IGF2BP3: variants seen among roughly 807,000 people sequenced by gnomAD.
IGF2BP3 encodes the protein insulin like growth factor 2 mRNA binding protein 3, also known as insulin-like growth factor 2 mRNA-binding protein 3.
IGF2BP3 carries 9 observed loss-of-function variants against 73.8 expected under a neutral mutation model. The ratio of observed to expected loss-of-function variants is 0.12; its 90% CI spans 0.07 to 0.21. IGF2BP3 has a LOEUF of 0.21. Among genes scored for constraint, IGF2BP3 ranks in the 10% least tolerant of loss-of-function variants. IGF2BP3 has a pLI of 1.00. For missense variants in IGF2BP3, 542 were observed against 714.0 expected (o/e 0.76, Z 2.75); for synonymous variants, 258 against 256.7 (o/e 1.01, Z -0.05).
chr7:23,421,445 C>A (rs112297815), intron 2 of IGF2BP3, among the ~76,000 whole-genome samples: 9,904 of 152,020 alleles, frequency 0.065, 823 homozygotes, highest in African/African-American at 0.19. Context: ...GTGATCCCGG[C>A]ACTTTGGGAG....
intron 3 of IGF2BP3, among the ~76,000 whole-genome samples, chr7:23,389,761 A>T (rs555463074): frequency 6.6e-6 from 1 of 151,736 alleles, no homozygotes; most frequent in East Asian, 1.9e-4. Flanking sequence ...TGGGAGACCA[A>T]GTCAGGAGGA....
At chr7:23,423,274 C>T (rs975966469) in intron 2 of IGF2BP3, among the ~76,000 whole-genome samples, 4 of 152,158 alleles carry the variant, frequency 2.6e-5, no homozygotes, top group Non-Finnish European at 4.4e-5. Context: ...AAACTTCTGG[C>T]ATGGAAAGAA....
At chr7:23,404,345 C>T (rs1583999384) in intron 3 of IGF2BP3, among the ~76,000 whole-genome samples, 1 of 152,080 alleles carries the variant, frequency 6.6e-6, no homozygotes, top group Admixed American at 6.6e-5. Context: ...TCTGAAATAT[C>T]AGTCATTACC....
In IGF2BP3 at chr7:23,361,676, C is replaced by A; in HGVS notation, c.337+14G>T. ...TCCTTTTACAAATTTGAAAGCAATT[C>A]AGAAGACATGTACCTTGCTCACAGC... On this transcript the variant is annotated intron_variant, in intron 4 of 14. Transcript: ENST00000258729. 1.2e-6 allele frequency: 2 copies of A among 1,613,850 alleles called. No individual in the cohort carries two copies. The highest frequency in any genetic ancestry group is 1.1e-5 in the South Asian group (1 of 91,060).
intron 3 of IGF2BP3, among the ~76,000 whole-genome samples, chr7:23,388,416 T>A (rs1038743499): frequency 1.3e-5 from 2 of 152,002 alleles, no homozygotes; most frequent in Non-Finnish European, 2.9e-5. Flanking sequence ...AACCAAAACT[T>A]TTTCATACGC....
At chr7:23,403,263 T>C (rs1786724881) in intron 3 of IGF2BP3, among the ~76,000 whole-genome samples, 1 of 152,226 alleles carries the variant, frequency 6.6e-6, no homozygotes, top group Non-Finnish European at 1.5e-5. Flanking sequence ...TATTCCTGTC[T>C]CAACACCAGT....
chr7:23,450,151 G>C (rs1258008107), intron 2 of IGF2BP3, among the ~76,000 whole-genome samples: 1 of 152,154 alleles, frequency 6.6e-6, no homozygotes, highest in Non-Finnish European at 1.5e-5. Context: ...TATGCAAACT[G>C]TTTAAAAATG....
intron 2 of IGF2BP3, among the ~76,000 whole-genome samples, chr7:23,436,780 A>C (rs1400555167): frequency 6.6e-6 from 1 of 152,206 alleles, no homozygotes; most frequent in Non-Finnish European, 1.5e-5. Flanking sequence ...AGGAAAGTAC[A>C]TTTGGATTTA....
At position 23,361,615 on chromosome 7, in the gene IGF2BP3, C is replaced by T. The variant is rs759762900; in HGVS notation, c.338-18G>A. ...AGTGTTCACTAGAGGAAGAGAAAAACGAAGAGAATAAAAGTTAGTTTTCTT... is the reference window on the plus strand; with the variant it reads ...AGTGTTCACTAGAGGAAGAGAAAAATGAAGAGAATAAAAGTTAGTTTTCTT... On this transcript the variant is annotated intron_variant, in intron 4 of 14. Transcript: ENST00000258729. 17 of 1,613,264 alleles carry T rather than the reference C, an allele frequency of 1.1e-5. No individual in the cohort carries two copies. The East Asian group carries it at 2.9e-4, about 27-fold the overall frequency.
At chr7:23,325,775 G>C (rs572574628) in intron 10 of IGF2BP3, among the ~76,000 whole-genome samples, 1 of 151,990 alleles carries the variant, frequency 6.6e-6, no homozygotes, top group Admixed American at 6.6e-5. Flanking sequence ...ATAACACCGC[G>C]TATCTACAAC....
chr7:23,423,380 T>G (rs1488814595), intron 2 of IGF2BP3, among the ~76,000 whole-genome samples: 2 of 152,246 alleles, frequency 1.3e-5, no homozygotes, highest in Non-Finnish European at 2.9e-5. Context: ...AGTTTATATT[T>G]GGGTTTGATT....
intron 3 of IGF2BP3, among the ~76,000 whole-genome samples, chr7:23,384,301 G>C (rs1388340904): frequency 6.6e-6 from 1 of 151,998 alleles, no homozygotes; most frequent in African/African-American, 2.4e-5. Context: ...TAGGGGTTCA[G>C]TGGGGGGAAA....
intron 2 of IGF2BP3, among the ~76,000 whole-genome samples, chr7:23,451,003 C>A (rs572502625): frequency 7.2e-5 from 11 of 152,080 alleles, no homozygotes; most frequent in Non-Finnish European, 1.3e-4. Flanking sequence ...GCTGGATTTT[C>A]CTCATATACT....
At chr7:23,335,721 C>T (rs893044399) in intron 10 of IGF2BP3, among the ~76,000 whole-genome samples, 2 of 152,194 alleles carry the variant, frequency 1.3e-5, no homozygotes, top group Non-Finnish European at 2.9e-5. Context: ...AAAACTGAAG[C>T]CAGCAGCCCT....
At chr7:23,318,853 G>T (rs1204385388) in intron 11 of IGF2BP3, among the ~76,000 whole-genome samples, 1 of 152,166 alleles carries the variant, frequency 6.6e-6, no homozygotes, top group Non-Finnish European at 1.5e-5. Flanking sequence ...AACCAAGAGG[G>T]ACCAAGGCCG....
rs769391858 is a variant in IGF2BP3 at position 23,441,574 on chromosome 7, TAAAAAAAAAAAAAA to T, written c.237-22764_237-22751del. On this transcript the variant is annotated intron_variant, in intron 2 of 14. Transcript: ENST00000258729. The stretch of plus-strand genomic sequence containing the variant: ...GGGACAAGAGTGAGACTCCATCTCT[TAAAAAAAAAAAAAA>T]AAAAAAAAAAAAAAAAGACACATAT... Among the ~76,000 whole-genome samples the T allele has an allele frequency of 1.7e-3, 99 of 56,956 alleles. 2 individuals carry two copies. Among genetic ancestry groups the T allele is most frequent in the African/African-American group, 5.7e-3 (82 of 14,340 alleles). The allele number at this position is 56,956 out of a possible 152,430, so 37.4% of individuals were successfully genotyped here. A position where few individuals can be genotyped will look rare whatever the true frequency, so the allele number is the denominator to read the frequency against.
chr7:23,431,042 T>C (rs1308810997), intron 2 of IGF2BP3: 1 of 152,246 alleles, frequency 6.6e-6, no homozygotes, highest in Non-Finnish European at 1.5e-5. Flanking sequence ...TATGATCTCA[T>C]TTTAAAATAC....
At chr7:23,440,045 C>T (rs192351721) in intron 2 of IGF2BP3, among the ~76,000 whole-genome samples, 2 of 152,104 alleles carry the variant, frequency 1.3e-5, no homozygotes, top group South Asian at 2.1e-4. Flanking sequence ...GGGCAGATCA[C>T]GAGGTCAGGA....
chr7:23,395,998 T>C (rs976936906), intron 3 of IGF2BP3, among the ~76,000 whole-genome samples: 9 of 150,146 alleles, frequency 6.0e-5, no homozygotes, highest in Admixed American at 4.0e-4. Flanking sequence ...TATTTTCTTA[T>C]ACCCATCCCC....
Sources: allele counts gnomAD v4.1 joint callset (sites outside exome capture counted in the v4.1 genomes callset), GRCh38; gene constraint gnomAD v4.1.1; transcripts MANE v1.5; gene names NCBI Gene and HGNC (gene_info 2026-07-23, HGNC 2026-07-21).